The following LRRK2 variants were observed in gnomAD, a reference collection of about 807,000 sequenced individuals.
The protein encoded by LRRK2 is leucine-rich repeat serine/threonine-protein kinase 2.
In LRRK2, 203 loss-of-function variants were observed where a neutral mutation model predicts 302.6. The ratio of observed to expected loss-of-function variants is 0.67; its 90% CI spans 0.60 to 0.75. The LOEUF (loss-of-function observed/expected upper bound fraction) is 0.75, where lower values mean the gene tolerates loss of function less well. LRRK2 is among the 30% of genes least tolerant of loss of function. LRRK2 has a pLI of 0.00. For missense variants in LRRK2, 2,830 were observed against 2,951.0 expected, an observed-to-expected ratio of 0.96 and a Z score of 0.95; for synonymous variants, 1,066 against 1,031.9, an observed-to-expected ratio of 1.03 and a Z score of -0.63.
intron 39 of LRRK2, among the ~76,000 whole-genome samples, chr12:40,333,745 C>A (rs544434785): frequency 6.6e-6 from 1 of 151,992 alleles, no homozygotes; most frequent in Admixed American, 6.5e-5. Flanking sequence ...CCATGGCGGG[C>A]CTCTCTGAGG....
chr12:40,238,476 A>G (rs914865894), intron 5 of LRRK2, among the ~76,000 whole-genome samples: 5 of 152,230 alleles, frequency 3.3e-5, no homozygotes, highest in Non-Finnish European at 5.9e-5. Context: ...TAGAAATTGC[A>G]TAAAGAGCCT....
chr12:40,240,657 A>C (rs1303264828), intron 6 of LRRK2, 40 bp downstream of exon 6: 1 of 1,574,362 alleles, frequency 6.4e-7, no homozygotes, highest in Admixed American at 1.7e-5. Flanking sequence ...TTGTATCTGA[A>C]AAATTACAAT....
intron 39 of LRRK2, among the ~76,000 whole-genome samples, chr12:40,332,055 G>A (rs888387243): frequency 3.9e-5 from 6 of 152,302 alleles, no homozygotes; most frequent in Admixed American, 1.3e-4. Context: ...ATAAATAGAT[G>A]TCTCTCAGCC....
chr12:40,237,870 C>T (rs1941538526), intron 4 of LRRK2, 99 bp from the exon 5 acceptor site: 1 of 1,298,666 alleles, frequency 7.7e-7, no homozygotes, highest in African/African-American at 1.5e-5. Context: ...GTCTACAAAC[C>T]ATTCACAGTC....
intron 44 of LRRK2, 30 bp from the exon 45 acceptor site, chr12:40,354,268 TC>T (rs1946460405): frequency 1.9e-6 from 3 of 1,588,238 alleles, no homozygotes; most frequent in African/African-American, 2.7e-5. Flanking sequence ...TTAAATCAAA[TC>T]CTGCTAAGTA....
intron 39 of LRRK2, among the ~76,000 whole-genome samples, chr12:40,333,525 A>G (rs1945777353): frequency 6.6e-6 from 1 of 152,128 alleles, no homozygotes; most frequent in Non-Finnish European, 1.5e-5. Context: ...ACAATGTCAT[A>G]AAAGAGGCTG....
chr12:40,319,442 C>T (rs563524863), intron 33 of LRRK2, among the ~76,000 whole-genome samples: 2 of 152,072 alleles, frequency 1.3e-5, no homozygotes, highest in South Asian at 2.1e-4. Context: ...TTAAAAAAGC[C>T]GATTCTCAGG....
At chr12:40,342,027 G>A (rs974194933) in intron 41 of LRRK2, among the ~76,000 whole-genome samples, 2 of 152,226 alleles carry the variant, frequency 1.3e-5, no homozygotes, top group Non-Finnish European at 2.9e-5. Flanking sequence ...TTTTTGTCAT[G>A]GGACATGAAG....
chr12:40,237,970 T>G lies in LRRK2; in HGVS notation c.438T>G (p.Gly146=). The G allele has an allele frequency of 1.2e-6, 2 of 1,610,566 alleles. No individual in the cohort carries two copies. Among genetic ancestry groups the G allele is most frequent in the Non-Finnish European group, 1.7e-6 (2 of 1,177,834 alleles). Residue 146 remains glycine, a splice_region_variant and synonymous_variant, in exon 5 of 51, where the codon GGT becomes GGG. Coordinates refer to ENST00000298910, the MANE Select transcript of LRRK2 (RefSeq NM_198578.4). ...LKTLDLLLTS[G]KITLLILDEE... Reference sequence around the variant, plus strand: ...AGCATATTATTCTCTTTAAAATAGGTAAAATCACCTTGCTGATATTGGATG... The same window carrying G: ...AGCATATTATTCTCTTTAAAATAGGGAAAATCACCTTGCTGATATTGGATG...
chr12:40,326,610 A>T (rs1020901588), intron 38 of LRRK2, among the ~76,000 whole-genome samples: 1 of 151,822 alleles, frequency 6.6e-6, no homozygotes, highest in African/African-American at 2.4e-5. Flanking sequence ...GTCCAGATTG[A>T]GGGGAGGCAG....
chr12:40,278,113 G>A lies in LRRK2; in HGVS notation c.2093G>A (p.Cys698Tyr). The part of the protein sequence containing the change: ...DQQFLNLCCK[C>Y]FAKVAMDDYL... ...TAGTTTCTAAACCTCTGTTGCAAGT[G>A]TTTTGCAAAAGTAGCTATGGATGAT... is the stretch of plus-strand genomic sequence containing the variant. The change falls in exon 18 of 51, where the codon TGT (cysteine) becomes TAT (tyrosine). Residue 698 changes from cysteine to tyrosine, a missense_variant. Coordinates refer to ENST00000298910, the MANE Select transcript of LRRK2 (RefSeq NM_198578.4). The A allele has an allele frequency of 6.2e-7, 1 of 1,614,024 alleles. No individual in the cohort carries two copies. Among genetic ancestry groups the A allele is most frequent in the Non-Finnish European group, 8.5e-7 (1 of 1,179,976 alleles).
chr12:40,322,836 T>C (rs1038821355), intron 37 of LRRK2, among the ~76,000 whole-genome samples: 1 of 110,158 alleles, frequency 9.1e-6, no homozygotes, highest in Non-Finnish European at 2.0e-5. Flanking sequence ...TTTACCAACA[T>C]GTCTGCCATA....
rs752631377 is a variant in LRRK2 at position 40,295,570 on chromosome 12, G to A, written c.3022G>A (p.Val1008Ile). 1.9e-6 allele frequency: 3 copies of A among 1,614,014 alleles called. No homozygotes were observed. Among genetic ancestry groups the A allele is most frequent in the Admixed American group, 1.7e-5 (1 of 59,996 alleles). ...CCTAAGCCAGAAATGCTGTATAAGT[G>A]TTCATTTGGAGCATCTTGAAAAGCT... ...DALSQKCCIS[V>I]HLEHLEKLEL... The change falls in exon 23 of 51, where the codon GTT becomes ATT. Residue 1008 changes from valine to isoleucine, a missense_variant. Coordinates refer to ENST00000298910, the MANE Select transcript of LRRK2 (RefSeq NM_198578.4).
In LRRK2 at chr12:40,274,845, T is replaced by C. The variant is rs202166519; in HGVS notation, c.1802-9T>C. On this transcript the variant is annotated splice_polypyrimidine_tract_variant and intron_variant, in intron 15 of 50. Coordinates refer to ENST00000298910, the MANE Select transcript of LRRK2 (RefSeq NM_198578.4). ...GATTTAAAACAATTCTTTTTTTTTA[T>C]TTTCCTAGAAATTCAGTGTCTGGGT... 3.7e-6 allele frequency: 6 copies of C among 1,609,236 alleles called. No individual in the cohort carries two copies. The highest frequency in any genetic ancestry group is 3.3e-5 in the Admixed American group (2 of 59,836).
In LRRK2 at chr12:40,225,065, C is replaced by T; in HGVS notation, c.-67C>T. Reference sequence around the variant, plus strand: ...GCCCCCGGGGAGCTGTGGCCGGCGCCCCTGCCGGTTCCCTGAGCAGCGGAC... The same window carrying T: ...GCCCCCGGGGAGCTGTGGCCGGCGCTCCTGCCGGTTCCCTGAGCAGCGGAC... On this transcript the variant is annotated 5_prime_UTR_variant, in exon 1 of 51. Transcript: ENST00000298910. 5 of 1,603,468 alleles carry T rather than the reference C, an allele frequency of 3.1e-6. No homozygotes were observed. In the South Asian group the frequency reaches 5.5e-5, roughly 18 times the overall value.
intron 5 of LRRK2, among the ~76,000 whole-genome samples, chr12:40,240,164 A>G (rs1941660987): frequency 6.6e-6 from 1 of 152,140 alleles, no homozygotes; most frequent in Admixed American, 6.6e-5. Context: ...TTTATTAGTC[A>G]CTGTCAGTTT....
intron 46 of LRRK2, among the ~76,000 whole-genome samples, chr12:40,358,117 C>T (rs866903944): frequency 8.6e-5 from 13 of 151,186 alleles, no homozygotes; most frequent in South Asian, 6.2e-4. Flanking sequence ...TGTTGAATTG[C>T]TTTTTCGAGT....
At chr12:40,336,176 G>T (rs1945863889) in intron 40 of LRRK2, among the ~76,000 whole-genome samples, 1 of 152,052 alleles carries the variant, frequency 6.6e-6, no homozygotes, top group Non-Finnish European at 1.5e-5. Context: ...CATCCCTGAG[G>T]TTCCTTGCAG....
intron 14 of LRRK2, among the ~76,000 whole-genome samples, chr12:40,268,233 A>G (rs1234349966): frequency 2.0e-5 from 3 of 152,198 alleles, no homozygotes; most frequent in East Asian, 3.9e-4. Context: ...TGTGTTTTAT[A>G]TGCGGTGACA....
Sources: gnomAD v4.1 joint callset for allele counts (sites outside exome capture counted in the v4.1 genomes callset) on GRCh38, gnomAD v4.1.1 for gene constraint, MANE v1.5 for transcripts, NCBI Gene and HGNC (gene_info 2026-07-23, HGNC 2026-07-21) for gene names.